The following ASAP2 variants were observed in gnomAD, a reference collection of about 807,000 sequenced individuals.
ASAP2 encodes the protein ArfGAP with SH3 domain, ankyrin repeat and PH domain 2.
A neutral mutation model predicts 131.4 loss-of-function variants in ASAP2; 45 were observed. That is an observed-to-expected ratio of 0.34 (90% CI 0.27 to 0.44). The LOEUF (loss-of-function observed/expected upper bound fraction) is 0.44, where lower values mean the gene tolerates loss of function less well. ASAP2 is among the 20% of genes least tolerant of loss of function. ASAP2 has a pLI of 1.00. For synonymous variants in ASAP2, 510 were observed against 503.0 expected, an observed-to-expected ratio of 1.01 and a Z score of -0.19; for missense variants, 1,011 against 1,297.0, an observed-to-expected ratio of 0.78 and a Z score of 3.39.
intron 2 of ASAP2, among the ~76,000 whole-genome samples, chr2:9,286,344 G>T (rs1667458588): frequency 6.6e-6 from 1 of 151,988 alleles, no homozygotes; most frequent in Non-Finnish European, 1.5e-5. Context: ...GCTGCAGTGA[G>T]CTGAAACTGC....
At chr2:9,362,812 C>G (rs756159862) in intron 15 of ASAP2, among the ~76,000 whole-genome samples, 1 of 152,170 alleles carries the variant, frequency 6.6e-6, no homozygotes, top group Non-Finnish European at 1.5e-5. Flanking sequence ...CCACTGCACT[C>G]CAGCCTGGGC....
At chr2:9,399,607 C>T (rs780339398) in intron 24 of ASAP2, 12 of 213,566 alleles carry the variant, frequency 5.6e-5, no homozygotes, top group East Asian at 3.5e-4. Context: ...GCATGGACAG[C>T]GCTGACCCAG....
At chr2:9,254,531 T>A (rs1477949944) in intron 1 of ASAP2, among the ~76,000 whole-genome samples, 8 of 82,590 alleles carry the variant, frequency 9.7e-5, no homozygotes, top group African/African-American at 3.3e-4. Flanking sequence ...TTTTGGATTT[T>A]TTTTTTTTTT....
At chr2:9,366,952 C>T (rs1572558979) in intron 15 of ASAP2, among the ~76,000 whole-genome samples, 1 of 152,066 alleles carries the variant, frequency 6.6e-6, no homozygotes, top group Non-Finnish European at 1.5e-5. Flanking sequence ...AGTCAGTTCC[C>T]TACAAGAGAT....
intron 1 of ASAP2, 35 bp from the exon 2 acceptor site, chr2:9,279,282 G>C (rs10193043): frequency 6.2e-7 from 1 of 1,601,028 alleles, no homozygotes; most frequent in African/African-American, 1.3e-5. Context: ...TCTCAGCACA[G>C]ACACGGTTTA....
chr2:9,286,904 AG>A (rs1412994815), intron 2 of ASAP2, among the ~76,000 whole-genome samples: 2 of 152,226 alleles, frequency 1.3e-5, no homozygotes, highest in East Asian at 3.8e-4. Context: ...TTCACAAACG[AG>A]GGTAGAAGCA....
chr2:9,277,598 A>G (rs141105677), intron 1 of ASAP2, among the ~76,000 whole-genome samples: 84 of 152,322 alleles, frequency 5.5e-4, no homozygotes, highest in Middle Eastern at 3.4e-3. Context: ...TGAATGGAAA[A>G]TACAGAAACT....
At chr2:9,375,958 A>T (rs1674369064) in intron 17 of ASAP2, among the ~76,000 whole-genome samples, 1 of 152,204 alleles carries the variant, frequency 6.6e-6, no homozygotes, top group African/African-American at 2.4e-5. Context: ...GTGGGTTTGC[A>T]GTAACATACC....
At chr2:9,261,914 C>A (rs1314316656) in intron 1 of ASAP2, among the ~76,000 whole-genome samples, 1 of 152,240 alleles carries the variant, frequency 6.6e-6, no homozygotes, top group Non-Finnish European at 1.5e-5. Flanking sequence ...CCTCAGTGTT[C>A]AAGAGAGAGG....
intron 2 of ASAP2, among the ~76,000 whole-genome samples, chr2:9,284,126 A>G (rs1667313252): frequency 6.6e-6 from 1 of 152,224 alleles, no homozygotes; most frequent in South Asian, 2.1e-4. Flanking sequence ...TATTTCATCC[A>G]CAATTTCAAT....
At chr2:9,267,191 C>CG (rs1666001313) in intron 1 of ASAP2, among the ~76,000 whole-genome samples, 4 of 151,974 alleles carry the variant, frequency 2.6e-5, no homozygotes, top group African/African-American at 9.7e-5. Flanking sequence ...TGTAGGTTTG[C>CG]TACGTGGGAT....
At chr2:9,359,181 G>C (rs1222693992) in intron 15 of ASAP2, among the ~76,000 whole-genome samples, 10 of 152,230 alleles carry the variant, frequency 6.6e-5, no homozygotes, top group Admixed American at 6.5e-4. Flanking sequence ...ACATAGACCA[G>C]CTCACCCCAT....
chr2:9,307,214 C>T (rs1019618776), intron 3 of ASAP2, among the ~76,000 whole-genome samples: 5 of 152,176 alleles, frequency 3.3e-5, no homozygotes, highest in Non-Finnish European at 5.9e-5. Context: ...TTTCTGATTC[C>T]GCAGGTCTGG....
rs753517373 is a variant in ASAP2 at position 9,318,631 on chromosome 2, C to T, written c.420+33C>T. ...ATTGACACTGTGACACCAGGGGCAG[C>T]TTTTACACCATGTAGAGTCACAGTA... On this transcript the variant is annotated intron_variant, in intron 4 of 27. Transcript: ENST00000281419. The T allele has an allele frequency of 1.7e-5, 26 of 1,501,550 alleles. No homozygotes were observed. In the Middle Eastern group the frequency reaches 1.2e-3, roughly 70 times the overall value. 93.0% of individuals were successfully genotyped at this position (1,501,550 alleles called of 1,614,324 possible). A position where few individuals can be genotyped will look rare whatever the true frequency, so the allele number is the denominator to read the frequency against.
At chr2:9,341,475 G>C (rs1324149533) in intron 9 of ASAP2, among the ~76,000 whole-genome samples, 1 of 152,188 alleles carries the variant, frequency 6.6e-6, no homozygotes, top group African/African-American at 2.4e-5. Flanking sequence ...CATAGGGTCT[G>C]ATTCTGTTGA....
At chr2:9,353,112 G>GC (rs1672455676) in intron 12 of ASAP2, among the ~76,000 whole-genome samples, 1 of 152,198 alleles carries the variant, frequency 6.6e-6, no homozygotes, top group Non-Finnish European at 1.5e-5. Flanking sequence ...GCCGTGATTT[G>GC]ATGAACATCC....
intron 1 of ASAP2, among the ~76,000 whole-genome samples, chr2:9,231,446 C>T (rs1467389035): frequency 2.6e-5 from 4 of 152,178 alleles, no homozygotes; most frequent in Admixed American, 1.3e-4. Context: ...CTTGGGTTTG[C>T]GTCATGACTC....
chr2:9,388,809 G>T (rs1675500084), intron 22 of ASAP2, among the ~76,000 whole-genome samples: 1 of 152,170 alleles, frequency 6.6e-6, no homozygotes. Context: ...GCAGCCTGAG[G>T]TGGCCAACTG....
chr2:9,379,104 C>T (rs1371949691), intron 19 of ASAP2, 45 bp downstream of exon 19: 8 of 1,342,726 alleles, frequency 6.0e-6, no homozygotes, highest in East Asian at 5.4e-5. Flanking sequence ...TGCACCCTGG[C>T]CTCTGCCTCC....
Sources: gnomAD v4.1 joint callset for allele counts (sites outside exome capture counted in the v4.1 genomes callset) on GRCh38, gnomAD v4.1.1 for gene constraint, MANE v1.5 for transcripts, NCBI Gene and HGNC (gene_info 2026-07-23, HGNC 2026-07-21) for gene names.